Variants in ADAM28 observed in about 807,000 individuals in gnomAD.
The protein encoded by ADAM28 is disintegrin and metalloproteinase domain-containing protein 28.
A neutral mutation model predicts 101.2 loss-of-function variants in ADAM28; 105 were observed. The observed-to-expected ratio is 1.04, with a 90% CI of 0.89 to 1.22. The LOEUF is 1.22. Among genes scored for constraint, ADAM28 ranks in the 50% most tolerant of loss-of-function variants. ADAM28 has a pLI of 0.00. For missense variants in ADAM28, 1,028 were observed against 945.4 expected (o/e 1.09, Z -1.15); for synonymous variants, 322 against 310.6 (o/e 1.04, Z -0.39).
At chr8:24,327,824 G>A (rs1812823372) in intron 10 of ADAM28, among the ~76,000 whole-genome samples, 1 of 152,058 alleles carries the variant, frequency 6.6e-6, no homozygotes, top group South Asian at 2.1e-4. Flanking sequence ...TGGGAAAAAT[G>A]TACAGATTTT....
intron 18 of ADAM28, among the ~76,000 whole-genome samples, chr8:24,347,818 C>A (rs1448748223): frequency 6.7e-6 from 1 of 149,272 alleles, no homozygotes; most frequent in Non-Finnish European, 1.5e-5. Flanking sequence ...TCCTGGAGAC[C>A]ATATAGCTGT....
chr8:24,328,098 C>T (rs904918967), intron 10 of ADAM28, among the ~76,000 whole-genome samples: 8 of 151,954 alleles, frequency 5.3e-5, no homozygotes, highest in Admixed American at 2.6e-4. Context: ...CACTTCATTG[C>T]ATTTCCAGCA....
intron 6 of ADAM28, among the ~76,000 whole-genome samples, chr8:24,319,440 G>A (rs543611532): frequency 6.6e-6 from 1 of 152,114 alleles, no homozygotes; most frequent in African/African-American, 2.4e-5. Context: ...AGCACTCTCA[G>A]TGTATTGTAA....
chr8:24,309,709 G>A (rs986532855), intron 2 of ADAM28, among the ~76,000 whole-genome samples, 185 bp from the exon 3 acceptor site: 5 of 152,176 alleles, frequency 3.3e-5, no homozygotes, highest in Non-Finnish European at 5.9e-5. Context: ...ATGGATAAAA[G>A]GCTCTCAGAT....
chr8:24,324,036 G>C, intron 9 of ADAM28, 33 bp downstream of exon 9: 1 of 1,594,590 alleles, frequency 6.3e-7, no homozygotes, highest in Non-Finnish European at 8.6e-7. Flanking sequence ...TGCACACTAT[G>C]TGGTATTTAG....
chr8:24,309,259 C>T (rs1810110388), intron 2 of ADAM28, among the ~76,000 whole-genome samples: 2 of 152,174 alleles, frequency 1.3e-5, no homozygotes, highest in East Asian at 1.9e-4. Flanking sequence ...GGTTCTTCCT[C>T]ACATTACAGT....
chr8:24,321,977 T>C (rs943727078), intron 8 of ADAM28, among the ~76,000 whole-genome samples: 3 of 152,012 alleles, frequency 2.0e-5, no homozygotes, highest in Non-Finnish European at 4.4e-5. Flanking sequence ...TTGAAATGAA[T>C]GAGTCTCTTT....
chr8:24,317,357 T>G (rs556140622), intron 6 of ADAM28, among the ~76,000 whole-genome samples: 1 of 151,926 alleles, frequency 6.6e-6, no homozygotes, highest in Non-Finnish European at 1.5e-5. Flanking sequence ...TGGATGAGAA[T>G]AGCAATCTCG....
At chr8:24,305,451 C>CCTTTTTT (rs1231715996) in intron 2 of ADAM28, among the ~76,000 whole-genome samples, 10 of 65,446 alleles carry the variant, frequency 1.5e-4, no homozygotes, top group Non-Finnish European at 2.9e-4. Flanking sequence ...TAAGAGGTTT[C>CCTTTTTT]TTTTTTTTTT....
rs150763625 is a variant in ADAM28 at position 24,353,554 on chromosome 8, A to G, written c.2245-216A>G. The stretch of plus-strand genomic sequence containing the variant: ...GACGAGTGACACTGACAGGAAAAAT[A>G]TGGTGAGGAGAAAGTCAACGGGCTT... On this transcript the variant is annotated intron_variant, in intron 21 of 22. Coordinates refer to ENST00000265769, the MANE Select transcript of ADAM28 (RefSeq NM_014265.6). 9.7e-4 allele frequency among the ~76,000 whole-genome samples: 147 copies of G among 152,268 alleles called. 1 individual carries two copies. Among genetic ancestry groups the G allele is most frequent in the African/African-American group, 3.4e-3 (140 of 41,568 alleles).
intron 13 of ADAM28, 52 bp from the exon 14 acceptor site, chr8:24,335,394 G>A (rs1585680135): frequency 3.9e-6 from 6 of 1,521,222 alleles, no homozygotes; most frequent in East Asian, 2.3e-5. Flanking sequence ...TGAGGTATTA[G>A]GGTAAAGCAG....
intron 2 of ADAM28, among the ~76,000 whole-genome samples, chr8:24,300,485 T>C (rs1356668699): frequency 6.6e-6 from 1 of 152,000 alleles, no homozygotes; most frequent in Non-Finnish European, 1.5e-5. Flanking sequence ...GGTGTGATCT[T>C]GGCTCACTGC....
intron 14 of ADAM28, among the ~76,000 whole-genome samples, chr8:24,338,110 ATTGT>A (rs1411355578): frequency 6.6e-6 from 1 of 152,182 alleles, no homozygotes; most frequent in Non-Finnish European, 1.5e-5. Flanking sequence ...TCTAAAAATA[ATTGT>A]TTTTTACTCC....
chr8:24,338,129 C>T (rs1156922970), intron 14 of ADAM28, among the ~76,000 whole-genome samples: 1 of 152,190 alleles, frequency 6.6e-6, no homozygotes, highest in Non-Finnish European at 1.5e-5. Context: ...TACTCCTTCT[C>T]CTAGCAATTG....
intron 2 of ADAM28, among the ~76,000 whole-genome samples, chr8:24,305,012 G>A (rs1323390974): frequency 6.6e-6 from 1 of 151,122 alleles, no homozygotes; most frequent in Admixed American, 6.6e-5. Context: ...GTGGCTTCAT[G>A]TCCCAGTTAA....
chr8:24,325,570 T>C (rs915390747), intron 9 of ADAM28, among the ~76,000 whole-genome samples: 2 of 151,860 alleles, frequency 1.3e-5, no homozygotes, highest in African/African-American at 4.8e-5. Context: ...CTTTGTGATA[T>C]AATTTTAAAA....
chr8:24,326,508 A>G, intron 9 of ADAM28, 46 bp from the exon 10 acceptor site: 1 of 1,554,876 alleles, frequency 6.4e-7, no homozygotes, highest in Non-Finnish European at 8.9e-7. Flanking sequence ...ATAAAAATAG[A>G]GCTTAGCATT....
intron 10 of ADAM28, among the ~76,000 whole-genome samples, chr8:24,327,920 T>C (rs1812841361): frequency 6.6e-6 from 1 of 152,102 alleles, no homozygotes; most frequent in African/African-American, 2.4e-5. Flanking sequence ...AAATACACAA[T>C]ACATTGTTAT....
intron 18 of ADAM28, among the ~76,000 whole-genome samples, chr8:24,349,279 T>C (rs375341908): frequency 2.1e-4 from 32 of 152,286 alleles, no homozygotes; most frequent in African/African-American, 7.5e-4. Flanking sequence ...GTTATATTCA[T>C]TATTTAAATT....
Sources: gnomAD v4.1 joint callset for allele counts (sites outside exome capture counted in the v4.1 genomes callset) on GRCh38, gnomAD v4.1.1 for gene constraint, MANE v1.5 for transcripts, NCBI Gene and HGNC (gene_info 2026-07-23, HGNC 2026-07-21) for gene names.